ABI3BP: variants seen among roughly 807,000 people sequenced by gnomAD.
ABI3BP encodes ABI family member 3 binding protein.
Under a neutral mutation model 268.6 loss-of-function variants are expected in ABI3BP, and 216 were observed. The observed-to-expected ratio is 0.80, with a 90% CI of 0.72 to 0.90. The LOEUF (loss-of-function observed/expected upper bound fraction) is 0.90, where lower values mean the gene tolerates loss of function less well. Among genes scored for constraint, ABI3BP ranks in the 40% least tolerant of loss-of-function variants. ABI3BP has a pLI of 0.00. For missense variants in ABI3BP, 2,090 were observed against 2,182.4 expected, an observed-to-expected ratio of 0.96 and a Z score of 0.84; for synonymous variants, 730 against 730.0, an observed-to-expected ratio of 1.00 and a Z score of 0.00.
chr3:100,977,770 G>A (rs1473965033), intron 1 of ABI3BP, among the ~76,000 whole-genome samples: 2 of 152,276 alleles, frequency 1.3e-5, no homozygotes, highest in South Asian at 2.1e-4. Flanking sequence ...ATAACAGCAG[G>A]TGAGAATAAT....
chr3:100,848,740 T>G (rs888286680), intron 18 of ABI3BP, 61 bp downstream of exon 18: 1 of 1,533,104 alleles, frequency 6.5e-7, no homozygotes, highest in Non-Finnish European at 9.0e-7. Context: ...CTTCTTACTA[T>G]AAGAAAATGG....
At chr3:100,880,608 T>C (rs2153357624) in intron 6 of ABI3BP, among the ~76,000 whole-genome samples, 1 of 152,236 alleles carries the variant, frequency 6.6e-6, no homozygotes, top group African/African-American at 2.4e-5. Flanking sequence ...AAGGAGAGAC[T>C]ACTAGAGTCT....
At chr3:100,845,585 T>C (rs2098756943) in intron 20 of ABI3BP, among the ~76,000 whole-genome samples, 1 of 152,178 alleles carries the variant, frequency 6.6e-6, no homozygotes, top group Non-Finnish European at 1.5e-5. Context: ...GAAATGCAAG[T>C]TCAAAATCCA....
At chr3:100,909,892 A>G (rs1022956932) in intron 2 of ABI3BP, among the ~76,000 whole-genome samples, 1 of 152,200 alleles carries the variant, frequency 6.6e-6, no homozygotes, top group South Asian at 2.1e-4. Context: ...TAGAAATACC[A>G]TTTGACCCAG....
chr3:100,951,601 CA>C (rs2075062724), intron 1 of ABI3BP, among the ~76,000 whole-genome samples: 1 of 151,934 alleles, frequency 6.6e-6, no homozygotes, highest in South Asian at 2.1e-4. Context: ...TTCTCAAAAC[CA>C]GTTTACTTCT....
chr3:100,955,655 A>T (rs1458723036), intron 1 of ABI3BP, among the ~76,000 whole-genome samples: 1 of 152,208 alleles, frequency 6.6e-6, no homozygotes, highest in Non-Finnish European at 1.5e-5. Context: ...TACACGTGGA[A>T]TCTTTTGCAT....
intron 51 of ABI3BP, among the ~76,000 whole-genome samples, chr3:100,798,469 A>G (rs2097422971): frequency 6.6e-6 from 1 of 152,078 alleles, no homozygotes; most frequent in Non-Finnish European, 1.5e-5. Context: ...CCTAAAACGT[A>G]CATCTTTCAT....
At chr3:100,929,294 T>C (rs2062872297) in intron 1 of ABI3BP, among the ~76,000 whole-genome samples, 1 of 152,094 alleles carries the variant, frequency 6.6e-6, no homozygotes, top group Non-Finnish European at 1.5e-5. Flanking sequence ...GTGGAAAAGA[T>C]GGCTACATCA....
chr3:100,933,247 A>G (rs1411934772), intron 1 of ABI3BP, among the ~76,000 whole-genome samples: 2 of 151,990 alleles, frequency 1.3e-5, no homozygotes, highest in Admixed American at 1.3e-4. Flanking sequence ...ATATAGACTT[A>G]AAACAGATCA....
chr3:100,969,534 A>G (rs1431615322), intron 1 of ABI3BP, among the ~76,000 whole-genome samples: 2 of 152,212 alleles, frequency 1.3e-5, no homozygotes, highest in South Asian at 2.1e-4. Flanking sequence ...TTCTCCATCA[A>G]TCACAAATAA....
At chr3:100,953,558 G>C (rs1350832859) in intron 1 of ABI3BP, among the ~76,000 whole-genome samples, 1 of 152,048 alleles carries the variant, frequency 6.6e-6, no homozygotes, top group Non-Finnish European at 1.5e-5. Flanking sequence ...AAGAAAATAA[G>C]GATTTTTCTG....
chr3:100,850,640 T>C lies in ABI3BP; in HGVS notation c.1426+20A>G, dbSNP rs774208439. On this transcript the variant is annotated intron_variant, in intron 16 of 67. Coordinates refer to ENST00000471714, the MANE Select transcript of ABI3BP (RefSeq NM_001375547.2). ...TTTTTGATGGAAAATAAAGTATGAT[T>C]TTTCTGTTAAAAACATTACCCAGTG... is the stretch of plus-strand genomic sequence containing the variant. 2 of 1,580,872 alleles carry C rather than the reference T, an allele frequency of 1.3e-6. No homozygotes were observed. Among genetic ancestry groups the C allele is most frequent in the Admixed American group, 3.5e-5 (2 of 57,416 alleles).
At chr3:100,764,003 C>A (rs1477879006) in intron 63 of ABI3BP, among the ~76,000 whole-genome samples, 2 of 152,152 alleles carry the variant, frequency 1.3e-5, no homozygotes, top group Non-Finnish European at 2.9e-5. Flanking sequence ...GCTTATAAGA[C>A]CCTCTCCACC....
At chr3:100,853,668 C>T (rs945566154) in intron 14 of ABI3BP, among the ~76,000 whole-genome samples, 2 of 152,034 alleles carry the variant, frequency 1.3e-5, no homozygotes, top group African/African-American at 4.8e-5. Flanking sequence ...CTCTTTTTAC[C>T]TATTTTTCAT....
chr3:100,908,089 C>A (rs1352852094), intron 2 of ABI3BP, among the ~76,000 whole-genome samples: 1 of 149,638 alleles, frequency 6.7e-6, no homozygotes, highest in African/African-American at 2.5e-5. Flanking sequence ...GCACTGCAGC[C>A]TGGGTGACAG....
intron 35 of ABI3BP, 54 bp from the exon 36 acceptor site, chr3:100,824,995 A>C: frequency 6.9e-7 from 1 of 1,442,056 alleles, no homozygotes; most frequent in Non-Finnish European, 9.3e-7. Context: ...CTGGATACTG[A>C]GGAAAGGTTT....
chr3:100,813,650 A>G lies in ABI3BP; in HGVS notation c.3364+11T>C. On this transcript the variant is annotated intron_variant, in intron 45 of 67. Transcript: ENST00000471714. ...CACAGTATACCCAGACAGATAAAAC[A>G]ATCTATTTACCAGGTTGACTTTCTG... is the stretch of plus-strand genomic sequence containing the variant. The G allele has an allele frequency of 1.3e-6, 2 of 1,530,250 alleles. No individual in the cohort carries two copies. Among genetic ancestry groups the G allele is most frequent in the Non-Finnish European group, 8.8e-7 (1 of 1,141,786 alleles). 94.8% of individuals were successfully genotyped at this position (1,530,250 alleles called of 1,614,324 possible).
At chr3:100,935,480 T>C (rs1380196056) in intron 1 of ABI3BP, among the ~76,000 whole-genome samples, 1 of 152,150 alleles carries the variant, frequency 6.6e-6, no homozygotes, top group Non-Finnish European at 1.5e-5. Flanking sequence ...TTATTCCATA[T>C]GAAATTGAAA....
chr3:100,756,776 G>GTTTTT (rs66981610), intron 63 of ABI3BP, among the ~76,000 whole-genome samples: 1 of 130,654 alleles, frequency 7.7e-6, no homozygotes, highest in Non-Finnish European at 1.6e-5. Flanking sequence ...TACTTTTTGG[G>GTTTTT]TTTTTTTTTT....
Sources: allele counts gnomAD v4.1 joint callset (sites outside exome capture counted in the v4.1 genomes callset), GRCh38; gene constraint gnomAD v4.1.1; transcripts MANE v1.5; gene names NCBI Gene and HGNC (gene_info 2026-07-23, HGNC 2026-07-21).